Variants in ZNF730 observed in about 807,000 individuals in gnomAD.
The protein encoded by ZNF730 is zinc finger protein 730.
ZNF730 carries 12 observed loss-of-function variants against 12.6 expected under a neutral mutation model. The ratio of observed to expected loss-of-function variants is 0.95; its 90% confidence interval spans 0.61 to 1.54. ZNF730 has a LOEUF of 1.54. Ranked by LOEUF, ZNF730 falls within the 40% of genes most tolerant of loss-of-function variation. The pLI is 0.00. For missense variants in ZNF730, 643 were observed against 583.5 expected (o/e 1.10, Z -1.05); for synonymous variants, 194 against 195.8 (o/e 0.99, Z 0.08).
At chr19:23,115,217 AT>A (rs1970504590), upstream of ZNF730, among the ~76,000 whole-genome samples, 1 of 151,918 alleles carries the variant, frequency 6.6e-6, no homozygotes, top group Admixed American at 6.6e-5. Context: ...CTCTAGTAAT[AT>A]AGTTTGATCT....
chr19:23,101,289 A>C (rs942722902), intron 1 of ZNF730, among the ~76,000 whole-genome samples: 16 of 152,196 alleles, frequency 1.1e-4, no homozygotes, highest in African/African-American at 3.9e-4. Context: ...TCTCACGTGG[A>C]TCTGGACTAG....
intron 1 of ZNF730, among the ~76,000 whole-genome samples, chr19:23,093,988 G>A (rs1970201616): frequency 6.6e-6 from 1 of 152,148 alleles, no homozygotes; most frequent in South Asian, 2.1e-4. Context: ...AAGTGTTTCA[G>A]GTGGACCAGA....
At chr19:23,127,028 A>T in intron 1 of ZNF730, 1 of 512,438 alleles carries the variant, frequency 2.0e-6, no homozygotes, top group South Asian at 1.5e-5. Flanking sequence ...TAGAATCCCG[A>T]GTTCCTAAAG....
At chr19:23,114,955 T>A (rs1337855771), upstream of ZNF730, among the ~76,000 whole-genome samples, 1 of 152,130 alleles carries the variant, frequency 6.6e-6, no homozygotes, top group Non-Finnish European at 1.5e-5. Context: ...TGGCTAATTT[T>A]TTTTCATGAA....
chr19:23,117,022 G>C (rs1189755217), upstream of ZNF730: 1 of 1,181,200 alleles, frequency 8.5e-7, no homozygotes, highest in African/African-American at 1.5e-5. Context: ...GGGATTTGGC[G>C]CGGCCTTTGT....
intron 1 of ZNF730, among the ~76,000 whole-genome samples, chr19:23,128,980 A>G (rs535991905): frequency 6.6e-6 from 1 of 152,276 alleles, no homozygotes; most frequent in East Asian, 1.9e-4. Flanking sequence ...CTGTTGTTTC[A>G]GAGGGTGGAA....
upstream of ZNF730, among the ~76,000 whole-genome samples, chr19:23,114,465 C>T (rs1970494082): frequency 6.7e-6 from 1 of 149,098 alleles, no homozygotes; most frequent in South Asian, 2.1e-4. Context: ...CGCCATCACA[C>T]CCGGCTAATT....
chr19:23,084,267 A>G (rs969131633), intron 1 of ZNF730, among the ~76,000 whole-genome samples: 1 of 152,148 alleles, frequency 6.6e-6, no homozygotes, highest in African/African-American at 2.4e-5. Flanking sequence ...GGGCACATTG[A>G]TCTATGTGTT....
intron 3 of ZNF730, among the ~76,000 whole-genome samples, chr19:23,136,967 C>G (rs1245346362): frequency 6.6e-6 from 1 of 151,892 alleles, no homozygotes; most frequent in African/African-American, 2.4e-5. Flanking sequence ...TCAGGAATTC[C>G]AGACCAGCCT....
At chr19:23,099,178 C>T (rs937201924) in intron 1 of ZNF730, among the ~76,000 whole-genome samples, 1 of 152,112 alleles carries the variant, frequency 6.6e-6, no homozygotes, top group African/African-American at 2.4e-5. Flanking sequence ...AACATCTGGC[C>T]ACAGTTGAGA....
At chr19:23,143,750 TCA>T (rs1970963185) in intron 3 of ZNF730, 1 of 152,202 alleles carries the variant, frequency 6.6e-6, no homozygotes, top group South Asian at 2.1e-4. Flanking sequence ...TTTGACTGCA[TCA>T]CACAGTTTCT....
intron 1 of ZNF730, among the ~76,000 whole-genome samples, chr19:23,078,613 C>T (rs187239684): frequency 5.1e-4 from 78 of 152,208 alleles, no homozygotes; most frequent in African/African-American, 1.7e-3. Context: ...ACTCAGAGAC[C>T]GGTGCTGGCA....
chr19:23,146,323 G>A lies in ZNF730; in HGVS notation c.1279G>A (p.Glu427Lys). 6.2e-7 allele frequency: 1 copy of A among 1,613,498 alleles called. No individual in the cohort carries two copies. The highest frequency in any genetic ancestry group is 2.2e-5 in the East Asian group (1 of 44,794). ...IHTGEKPYKC[E>K]ECGRAFNQSS... ...TACTGGAGAGAAACCCTACAAATGT[G>A]AAGAATGTGGCAGAGCTTTCAACCA... Residue 427 changes from glutamate to lysine, a missense_variant, in exon 4 of 4, where the codon GAA becomes AAA. Glu to Lys is a moderately conservative substitution (Grantham distance 56). Transcript: ENST00000597761.
At chr19:23,131,909 G>C (rs1449129997) in intron 1 of ZNF730, among the ~76,000 whole-genome samples, 1 of 152,114 alleles carries the variant, frequency 6.6e-6, no homozygotes, top group Non-Finnish European at 1.5e-5. Context: ...CAAGTATGAG[G>C]GTTCAAGATA....
At chr19:23,096,807 C>G (rs1250476080) in intron 1 of ZNF730, among the ~76,000 whole-genome samples, 1 of 152,178 alleles carries the variant, frequency 6.6e-6, no homozygotes, top group Non-Finnish European at 1.5e-5. Context: ...GCTGGACTCA[C>G]CACCTATGTA....
intron 1 of ZNF730, among the ~76,000 whole-genome samples, chr19:23,084,855 G>A (rs1000335425): frequency 2.0e-5 from 3 of 152,038 alleles, no homozygotes; most frequent in African/African-American, 7.3e-5. Context: ...TCTTTATCCA[G>A]TCTATCATTA....
chr19:23,145,245 T>A, intron 3 of ZNF730, 26 bp from the exon 4 acceptor site: 1 of 1,435,276 alleles, frequency 7.0e-7, no homozygotes, highest in South Asian at 1.6e-5. Flanking sequence ...GTACATGCAG[T>A]AATTTGTTAT....
At chr19:23,092,092 ATC>A (rs1428327792) in intron 1 of ZNF730, among the ~76,000 whole-genome samples, 2 of 152,170 alleles carry the variant, frequency 1.3e-5, no homozygotes, top group South Asian at 2.1e-4. Context: ...GATAGTGAAT[ATC>A]TCTCTCAAGA....
At chr19:23,141,305 G>C (rs1970915300) in intron 3 of ZNF730, among the ~76,000 whole-genome samples, 1 of 151,782 alleles carries the variant, frequency 6.6e-6, no homozygotes, top group African/African-American at 2.4e-5. Flanking sequence ...TGAGGCAGGG[G>C]AATCACTTGA....
Sources: allele counts gnomAD v4.1 joint callset (sites outside exome capture counted in the v4.1 genomes callset), GRCh38; gene constraint gnomAD v4.1.1; transcripts MANE v1.5; gene names NCBI Gene and HGNC (gene_info 2026-07-23, HGNC 2026-07-21).